Variants in XNDC1N observed in about 807,000 individuals in gnomAD.
XNDC1N encodes the protein protein XNDC1N.
At chr11:71,917,494 A>G in the XNDC1N span, 1 of 683,706 alleles carries the variant, frequency 1.5e-6, no homozygotes, top group South Asian at 1.6e-5. Context: ...CCCAACAGAT[A>G]TAATTAAACC....
the XNDC1N span, chr11:71,928,279 C>G: frequency 3.8e-5 from 22 of 582,858 alleles, no homozygotes; most frequent in South Asian, 4.5e-4. Flanking sequence ...TCATCGGGAA[C>G]AGGCTGCTCA....
At chr11:71,888,235 C>T in the XNDC1N span, among the ~76,000 whole-genome samples, 19 of 149,258 alleles carry the variant, frequency 1.3e-4, no homozygotes, top group African/African-American at 3.1e-4. Context: ...ATTGACTATC[C>T]GACAGGGGTG....
chr11:71,914,022 A>G, the XNDC1N span, among the ~76,000 whole-genome samples: 4 of 152,234 alleles, frequency 2.6e-5, 1 homozygote, highest in Non-Finnish European at 5.9e-5. Context: ...CTGGTAATGC[A>G]CCTAAGCCAA....
chr11:71,913,439 T>C, the XNDC1N span, among the ~76,000 whole-genome samples: 1 of 151,824 alleles, frequency 6.6e-6, no homozygotes, highest in Non-Finnish European at 1.5e-5. Flanking sequence ...GGCTAGTGGA[T>C]CACAAGGTCA....
the XNDC1N span, among the ~76,000 whole-genome samples, chr11:71,887,611 G>A: frequency 4.6e-5 from 7 of 152,156 alleles, no homozygotes; most frequent in South Asian, 2.1e-4. Flanking sequence ...AACAGGGGCC[G>A]GTCCCCAGAG....
At chr11:71,892,635 C>G in the XNDC1N span, among the ~76,000 whole-genome samples, 1 of 152,134 alleles carries the variant, frequency 6.6e-6, no homozygotes, top group Non-Finnish European at 1.5e-5. Flanking sequence ...GATTCTCCTG[C>G]TTCAGCCTCC....
At chr11:71,895,619 G>A in the XNDC1N span, among the ~76,000 whole-genome samples, 8 of 151,970 alleles carry the variant, frequency 5.3e-5, no homozygotes, top group African/African-American at 1.2e-4. Flanking sequence ...GCGCGACCGC[G>A]CCCAGCCACC....
At chr11:71,916,457 C>T in the XNDC1N span, 1 of 559,586 alleles carries the variant, frequency 1.8e-6, no homozygotes, top group East Asian at 3.0e-5. Context: ...TTCTCATATT[C>T]AGTCTCTTGC....
the XNDC1N span, chr11:71,923,194 C>T: frequency 1.5e-6 from 1 of 680,982 alleles, no homozygotes; most frequent in Admixed American, 2.3e-5. Flanking sequence ...AGACTCTGAA[C>T]TCACAATGTC....
chr11:71,897,197 G>A, the XNDC1N span, among the ~76,000 whole-genome samples: 35 of 152,160 alleles, frequency 2.3e-4, no homozygotes, highest in Non-Finnish European at 8.8e-5. Flanking sequence ...GACACCAAAA[G>A]CATAGGCAAC....
chr11:71,880,170 C>G, the XNDC1N span, among the ~76,000 whole-genome samples: 2 of 152,042 alleles, frequency 1.3e-5, no homozygotes, highest in Non-Finnish European at 2.9e-5. Context: ...AATTGATAAT[C>G]TAAATCTCAG....
chr11:71,912,519 C>T, the XNDC1N span, among the ~76,000 whole-genome samples: 1 of 152,250 alleles, frequency 6.6e-6, no homozygotes, highest in South Asian at 2.1e-4. Flanking sequence ...GAGAATATCA[C>T]AGGGGTGCTG....
chr11:71,925,240 CT>C, the XNDC1N span, among the ~76,000 whole-genome samples: 1 of 151,980 alleles, frequency 6.6e-6, no homozygotes, highest in Admixed American at 6.6e-5. Flanking sequence ...ATTGTAAGCT[CT>C]CGGCGGACAG....
At chr11:71,886,451 T>C in the XNDC1N span, among the ~76,000 whole-genome samples, 1 of 149,336 alleles carries the variant, frequency 6.7e-6, no homozygotes, top group African/African-American at 2.6e-5. Flanking sequence ...AAAGAGAGGA[T>C]ATGCAAAGGC....
the XNDC1N span, chr11:71,894,135 C>T: frequency 6.6e-4 from 340 of 512,420 alleles, 1 homozygote; most frequent in Non-Finnish European, 8.9e-4. Context: ...ATAAAATCGT[C>T]CCCTCCATTC....
the XNDC1N span, chr11:71,878,434 C>G: frequency 6.2e-7 from 1 of 1,611,172 alleles, no homozygotes; most frequent in Non-Finnish European, 8.5e-7. Flanking sequence ...TCTCTCTAAC[C>G]TGCTTTACCT....
At chr11:71,869,395 T>G in the XNDC1N span, among the ~76,000 whole-genome samples, 1 of 152,220 alleles carries the variant, frequency 6.6e-6, no homozygotes, top group African/African-American at 2.4e-5. Context: ...CCTTTTCTTA[T>G]GGCTGCATAA....
At chr11:71,901,738 G>C in the XNDC1N span, among the ~76,000 whole-genome samples, 11 of 152,186 alleles carry the variant, frequency 7.2e-5, no homozygotes, top group East Asian at 2.1e-3. Context: ...GTATGGCAAA[G>C]GGTGAGATAT....
the XNDC1N span, among the ~76,000 whole-genome samples, chr11:71,876,275 G>T: frequency 6.6e-6 from 1 of 152,024 alleles, no homozygotes; most frequent in Non-Finnish European, 1.5e-5. Flanking sequence ...TTCTTCTACT[G>T]TGACAGCTTA....
Sources: allele counts gnomAD v4.1 joint callset (sites outside exome capture counted in the v4.1 genomes callset), GRCh38; gene constraint gnomAD v4.1.1; transcripts MANE v1.5; gene names NCBI Gene and HGNC (gene_info 2026-07-23, HGNC 2026-07-21).